CMIP: variants seen among roughly 807,000 people sequenced by gnomAD.
The protein encoded by CMIP is C-Maf-inducing protein.
In CMIP, 13 loss-of-function variants were observed where a neutral mutation model predicts 97.3. That is an observed-to-expected ratio of 0.13 (90% CI 0.09 to 0.21). The LOEUF (loss-of-function observed/expected upper bound fraction) is 0.21, where lower values mean the gene tolerates loss of function less well. Ranked by LOEUF, CMIP falls within the 10% of genes least tolerant of loss-of-function variation. The probability of loss-of-function intolerance (pLI) is 1.00; values close to 1 mark genes in which losing one functional copy is unlikely to be tolerated. For missense variants in CMIP, 847 were observed against 1,024.9 expected (o/e 0.83, Z 2.37); for synonymous variants, 538 against 436.3 (o/e 1.23, Z -2.91).
intron 2 of CMIP, chr16:81,610,229 C>T (rs1019918787): frequency 4.4e-5 from 33 of 750,598 alleles, no homozygotes; most frequent in Admixed American, 1.9e-4. Context: ...CCCTTTAACC[C>T]GGCTGTGGCC....
At chr16:81,500,301 T>TCCTTCATTCCTGCCTCCCTCCCTC (rs1200431349) in intron 1 of CMIP, among the ~76,000 whole-genome samples, 1 of 133,404 alleles carries the variant, frequency 7.5e-6, no homozygotes, top group African/African-American at 3.2e-5. Flanking sequence ...CTTCCTTCCT[T>TCCTTCATTCCTGCCTCCCTCCCTC]CCTGCCTCCC....
rs1158248767 is a variant in CMIP, at chr16:81,616,548, G to C, written c.427-4328G>C. ...ATGCGTCATCGCACTTAGTTCGCCAGCCTGTGTCATACCTGTTTAGCTGGG... is the reference window on the plus strand; with the variant it reads ...ATGCGTCATCGCACTTAGTTCGCCACCCTGTGTCATACCTGTTTAGCTGGG... On this transcript the variant is annotated intron_variant, in intron 2 of 20. Coordinates refer to ENST00000537098, the MANE Select transcript of CMIP (RefSeq NM_198390.3). This position sits in a 1 kb window ranked among gnomAD's most constrained non-coding sequence, Gnocchi z 4.7. Among the ~76,000 whole-genome samples, 1 of 152,254 alleles carries C rather than the reference G, an allele frequency of 6.6e-6. No homozygotes were observed. Among genetic ancestry groups the C allele is most frequent in the Non-Finnish European group, 1.5e-5 (1 of 68,044 alleles).
At chr16:81,643,428 A>C (rs536900387) in intron 3 of CMIP, among the ~76,000 whole-genome samples, 1 of 152,316 alleles carries the variant, frequency 6.6e-6, no homozygotes, top group South Asian at 2.1e-4. Context: ...AGTGATGGAG[A>C]AGTGTTGGAA....
intron 9 of CMIP, among the ~76,000 whole-genome samples, chr16:81,674,537 G>C (rs2092711141): frequency 6.6e-6 from 1 of 152,334 alleles, no homozygotes; most frequent in African/African-American, 2.4e-5. Flanking sequence ...ATAGCTTGAA[G>C]TAGCTGTGGT....
chr16:81,587,245 G>A (rs1178331666), intron 1 of CMIP, among the ~76,000 whole-genome samples: 1 of 152,248 alleles, frequency 6.6e-6, no homozygotes, highest in Non-Finnish European at 1.5e-5. Flanking sequence ...CTTTACAGCT[G>A]GGGTCCACTC....
chr16:81,580,830 C>G (rs1237415974), intron 1 of CMIP, among the ~76,000 whole-genome samples: 4 of 152,108 alleles, frequency 2.6e-5, no homozygotes, highest in Non-Finnish European at 2.9e-5. Context: ...GTTCAGCGGC[C>G]TTTAGCAAAT....
At chr16:81,540,589 C>A (rs185836686) in intron 1 of CMIP, among the ~76,000 whole-genome samples, 1 of 152,012 alleles carries the variant, frequency 6.6e-6, no homozygotes, top group African/African-American at 2.4e-5. Context: ...AGGCGTGAGC[C>A]ACTGCACCTG....
intron 13 of CMIP, 89 bp downstream of exon 13, chr16:81,693,576 C>A (rs941567234): frequency 3.6e-6 from 5 of 1,397,178 alleles, no homozygotes; most frequent in Non-Finnish European, 4.9e-6. Flanking sequence ...AAGCTTGTCA[C>A]CAACAGGCAT....
At chr16:81,578,197 C>T (rs1280978277) in intron 1 of CMIP, among the ~76,000 whole-genome samples, 2 of 151,538 alleles carry the variant, frequency 1.3e-5, no homozygotes, top group East Asian at 1.9e-4. Flanking sequence ...ATCACTGTCA[C>T]CATCACCATC....
intron 1 of CMIP, among the ~76,000 whole-genome samples, chr16:81,559,330 G>A (rs967769084): frequency 4.6e-5 from 7 of 152,272 alleles, no homozygotes; most frequent in African/African-American, 1.4e-4. Flanking sequence ...CTTATTTCAT[G>A]CTGGGCCAGC....
chr16:81,690,843 T>G (rs1316914943), intron 10 of CMIP, among the ~76,000 whole-genome samples: 1 of 152,106 alleles, frequency 6.6e-6, no homozygotes, highest in Non-Finnish European at 1.5e-5. Context: ...CGAGAATCAC[T>G]TGAACCCAGG....
chr16:81,485,651 A>G (rs1393956849), intron 1 of CMIP, among the ~76,000 whole-genome samples: 1 of 152,264 alleles, frequency 6.6e-6, no homozygotes, highest in Non-Finnish European at 1.5e-5. Context: ...TGGAAATAAC[A>G]GTAAGAGCTA....
At chr16:81,591,273 C>T (rs2091463177) in intron 1 of CMIP, among the ~76,000 whole-genome samples, 1 of 152,190 alleles carries the variant, frequency 6.6e-6, no homozygotes, top group African/African-American at 2.4e-5. Context: ...CAGTATCTGG[C>T]ACACATGAGG....
At chr16:81,612,157 A>G (rs980826352) in intron 2 of CMIP, among the ~76,000 whole-genome samples, 1 of 152,130 alleles carries the variant, frequency 6.6e-6, no homozygotes, top group Non-Finnish European at 1.5e-5. Flanking sequence ...GGCCCCTGGG[A>G]TGGGGTAGCA....
In CMIP at chr16:81,453,721, G is replaced by T. The variant is rs1240654789; in HGVS notation, c.300+8180G>T. Among the ~76,000 whole-genome samples the T allele has an allele frequency of 2.0e-5, 3 of 152,238 alleles. No individual in the cohort carries two copies. Among genetic ancestry groups the T allele is most frequent in the African/African-American group, 4.8e-5 (2 of 41,464 alleles). On this transcript the variant is annotated intron_variant, in intron 1 of 20. Coordinates refer to ENST00000537098, the MANE Select transcript of CMIP (RefSeq NM_198390.3). The surrounding 1 kb of genome is among the most constrained non-coding windows in gnomAD (Gnocchi z 4.0). Reference sequence around the variant, plus strand: ...GGTGGCTTCATGCAGCCCAGTTCTTGCAGTCCTGCAGGGGTCTCCCGAGGG... The same window carrying T: ...GGTGGCTTCATGCAGCCCAGTTCTTTCAGTCCTGCAGGGGTCTCCCGAGGG...
In CMIP at chr16:81,652,379, C is replaced by G. The variant is rs2092438271; in HGVS notation, c.639+15C>G. 3 of 1,608,550 alleles carry G rather than the reference C, an allele frequency of 1.9e-6. No individual in the cohort carries two copies. The highest frequency in any genetic ancestry group is 2.2e-5 in the East Asian group (1 of 44,836). ...TGCTCTCAGAGGTAAAACCCCTCCC[C>G]TGGACCCCTTTACATTGTTTGCCTT... On this transcript the variant is annotated intron_variant, in intron 4 of 20. Transcript: ENST00000537098. This position sits in a 1 kb window ranked among gnomAD's most constrained non-coding sequence, Gnocchi z 5.2.
At chr16:81,554,871 TA>T (rs1481917478) in intron 1 of CMIP, among the ~76,000 whole-genome samples, 1 of 152,212 alleles carries the variant, frequency 6.6e-6, no homozygotes, top group Non-Finnish European at 1.5e-5. Context: ...ATGGCAACTT[TA>T]AAATATATTT....
At chr16:81,475,268 AATG>A (rs146633531) in intron 1 of CMIP, among the ~76,000 whole-genome samples, 200 of 152,346 alleles carry the variant, frequency 1.3e-3, no homozygotes, top group African/African-American at 4.5e-3. Flanking sequence ...TTGCTTTTAA[AATG>A]ATGATCTGTT....
At chr16:81,657,421 C>T (rs766463289) in intron 4 of CMIP, among the ~76,000 whole-genome samples, 1 of 152,138 alleles carries the variant, frequency 6.6e-6, no homozygotes, top group Non-Finnish European at 1.5e-5. Flanking sequence ...TAAGCAGTTT[C>T]ACTTTGACGA....
Sources: allele counts gnomAD v4.1 joint callset (sites outside exome capture counted in the v4.1 genomes callset), GRCh38; gene constraint gnomAD v4.1.1; non-coding constraint Gnocchi (gnomAD v3.1); transcripts MANE v1.5; gene names NCBI Gene and HGNC (gene_info 2026-07-23, HGNC 2026-07-21).